The following DEPTOR variants were observed in gnomAD, a reference collection of about 807,000 sequenced individuals.
DEPTOR encodes DEP domain-containing mTOR-interacting protein.
A neutral mutation model predicts 41.6 loss-of-function variants in DEPTOR; 41 were observed. That is an observed-to-expected ratio of 0.98 (90% confidence interval 0.77 to 1.28). DEPTOR has a LOEUF of 1.28. DEPTOR is among the 50% of genes most tolerant of loss of function. The probability of loss-of-function intolerance (pLI) is 0.00; values close to 1 mark genes in which losing one functional copy is unlikely to be tolerated. For missense variants in DEPTOR, 514 were observed against 527.9 expected, an observed-to-expected ratio of 0.97 and a Z score of 0.26; for synonymous variants, 195 against 192.3, an observed-to-expected ratio of 1.01 and a Z score of -0.12.
At chr8:119,996,869 G>A (rs1392792927) in intron 4 of DEPTOR, among the ~76,000 whole-genome samples, 2 of 152,128 alleles carry the variant, frequency 1.3e-5, no homozygotes, top group African/African-American at 2.4e-5. Context: ...CCAACTTGAG[G>A]ATTTTTTAAA....
chr8:119,964,137 T>A (rs988806215), intron 3 of DEPTOR, among the ~76,000 whole-genome samples: 1 of 152,146 alleles, frequency 6.6e-6, no homozygotes, highest in Non-Finnish European at 1.5e-5. Flanking sequence ...GCCACCACGA[T>A]GGCTCCAGCC....
At chr8:119,883,495 A>G (rs1827326091) in intron 1 of DEPTOR, among the ~76,000 whole-genome samples, 1 of 131,660 alleles carries the variant, frequency 7.6e-6, no homozygotes, top group African/African-American at 3.0e-5. Flanking sequence ...AAAAAAAAAA[A>G]AGAAGGATAT....
At chr8:119,935,305 A>G (rs1336391881) in intron 3 of DEPTOR, among the ~76,000 whole-genome samples, 1 of 152,240 alleles carries the variant, frequency 6.6e-6, no homozygotes, top group African/African-American at 2.4e-5. Flanking sequence ...CTTTATAAGC[A>G]GGATAGTACT....
intron 4 of DEPTOR, among the ~76,000 whole-genome samples, chr8:119,994,445 C>T (rs1683703291): frequency 6.6e-6 from 1 of 152,170 alleles, no homozygotes; most frequent in Admixed American, 6.6e-5. Flanking sequence ...CTAGTTACTT[C>T]CCAAACCTTA....
intron 1 of DEPTOR, among the ~76,000 whole-genome samples, chr8:119,906,828 G>C (rs1474983954): frequency 6.6e-6 from 1 of 152,114 alleles, no homozygotes; most frequent in Non-Finnish European, 1.5e-5. Context: ...TTTATCTTAG[G>C]GTAGTCAAGA....
intron 6 of DEPTOR, 79 bp from the exon 7 acceptor site, chr8:120,006,726 G>A (rs1445658604): frequency 3.1e-6 from 4 of 1,289,934 alleles, no homozygotes; most frequent in Non-Finnish European, 4.5e-6. Flanking sequence ...TCACCTACGA[G>A]ATATCAATAA....
In DEPTOR at chr8:120,049,787, A is replaced by G. The variant is rs1813208339; in HGVS notation, c.*83A>G. 5.1e-6 allele frequency: 8 copies of G among 1,556,444 alleles called. No individual in the cohort carries two copies. The South Asian group carries it at 5.9e-5, about 12-fold the overall frequency. ...AAAGCAATGCAAAGACAAGATTGCCATGCAAATGGATGGTTTTGGACATAC... is the reference window on the plus strand; with the variant it reads ...AAAGCAATGCAAAGACAAGATTGCCGTGCAAATGGATGGTTTTGGACATAC... On this transcript the variant is annotated 3_prime_UTR_variant, in exon 9 of 9. Transcript: ENST00000286234.
At chr8:119,996,003 A>G (rs919720320) in intron 4 of DEPTOR, among the ~76,000 whole-genome samples, 26 of 152,264 alleles carry the variant, frequency 1.7e-4, no homozygotes, top group African/African-American at 6.0e-4. Context: ...TAAACTTTTA[A>G]TGAAAGACAG....
At chr8:119,883,432 G>A (rs985350855) in intron 1 of DEPTOR, among the ~76,000 whole-genome samples, 2 of 142,774 alleles carry the variant, frequency 1.4e-5, no homozygotes, top group Non-Finnish European at 3.0e-5. Flanking sequence ...CCGAGATCGC[G>A]CCACTGCACT....
chr8:119,889,123 T>C (rs141507968), intron 1 of DEPTOR, among the ~76,000 whole-genome samples: 2,844 of 152,242 alleles, frequency 0.019, 87 homozygotes, highest in African/African-American at 0.064. Flanking sequence ...AACATTAAAA[T>C]GAAGTTATTC....
At chr8:119,995,215 A>G (rs533228124) in intron 4 of DEPTOR, among the ~76,000 whole-genome samples, 3 of 152,300 alleles carry the variant, frequency 2.0e-5, no homozygotes, top group Admixed American at 1.3e-4. Flanking sequence ...AAATACTCAG[A>G]TAGTAAATGT....
chr8:119,880,140 TCAAAA>T (rs1827280974), intron 1 of DEPTOR, among the ~76,000 whole-genome samples: 1 of 112,526 alleles, frequency 8.9e-6, no homozygotes, highest in Non-Finnish European at 1.8e-5. Context: ...GGACTCCGTC[TCAAAA>T]TAAAATAAAA....
chr8:119,920,960 C>G (rs1195014295), intron 1 of DEPTOR, among the ~76,000 whole-genome samples: 1 of 150,280 alleles, frequency 6.7e-6, no homozygotes, highest in Non-Finnish European at 1.5e-5. Context: ...CCAGTTTCCT[C>G]GATGACTTTT....
At chr8:119,933,287 C>T (rs1426944668) in intron 3 of DEPTOR, among the ~76,000 whole-genome samples, 3 of 151,888 alleles carry the variant, frequency 2.0e-5, no homozygotes, top group Admixed American at 6.6e-5. Flanking sequence ...GGCAGGAGTT[C>T]GAGACCAGTC....
chr8:119,926,607 C>T (rs75175357), intron 1 of DEPTOR, among the ~76,000 whole-genome samples: 13,969 of 152,158 alleles, frequency 0.092, 719 homozygotes, highest in South Asian at 0.21. Flanking sequence ...AACTGGGTTT[C>T]CTGTCTGGTT....
intron 2 of DEPTOR, 71 bp downstream of exon 2, chr8:119,928,649 C>A: frequency 6.7e-7 from 1 of 1,489,534 alleles, no homozygotes; most frequent in Admixed American, 2.2e-5. Flanking sequence ...AACATACCCA[C>A]TTAAGAAAGA....
intron 4 of DEPTOR, among the ~76,000 whole-genome samples, chr8:119,976,952 A>G (rs1828703034): frequency 6.6e-6 from 1 of 152,208 alleles, no homozygotes; most frequent in African/African-American, 2.4e-5. Flanking sequence ...AACTCATTTA[A>G]TCTTCACAAG....
At chr8:119,926,982 G>T (rs1308827263) in intron 1 of DEPTOR, among the ~76,000 whole-genome samples, 1 of 152,052 alleles carries the variant, frequency 6.6e-6, no homozygotes, top group Non-Finnish European at 1.5e-5. Context: ...TTCTTTCTTC[G>T]TAGATGTTCA....
At chr8:119,905,449 AG>A (rs1438176092) in intron 1 of DEPTOR, among the ~76,000 whole-genome samples, 1 of 152,166 alleles carries the variant, frequency 6.6e-6, no homozygotes, top group Non-Finnish European at 1.5e-5. Flanking sequence ...GGAAGGGAGA[AG>A]CACCATACAG....
Sources: gnomAD v4.1 joint callset for allele counts (sites outside exome capture counted in the v4.1 genomes callset) on GRCh38, gnomAD v4.1.1 for gene constraint, MANE v1.5 for transcripts, NCBI Gene and HGNC (gene_info 2026-07-23, HGNC 2026-07-21) for gene names.